The following CCDC146 variants were observed in gnomAD, a reference collection of about 807,000 sequenced individuals.
CCDC146 encodes the protein coiled-coil domain-containing protein 146.
CCDC146 carries 92 observed loss-of-function variants against 119.3 expected under a neutral mutation model. The observed-to-expected ratio is 0.77, with a 90% confidence interval of 0.65 to 0.92. The LOEUF is 0.92. Among genes scored for constraint, CCDC146 ranks in the 40% least tolerant of loss-of-function variants. The pLI, the probability that CCDC146 is intolerant of heterozygous loss-of-function variation, is 0.00. For synonymous variants in CCDC146, 372 were observed against 371.8 expected (o/e 1.00, Z -0.01); for missense variants, 1,000 against 1,103.0 (o/e 0.91, Z 1.32).
intron 9 of CCDC146, among the ~76,000 whole-genome samples, chr7:77,272,262 C>T (rs1257546266): frequency 6.6e-6 from 1 of 152,176 alleles, no homozygotes; most frequent in Admixed American, 6.5e-5. Flanking sequence ...AAGACCACAT[C>T]TCGTTTTCCT....
At chr7:77,214,212 G>A (rs774217781) in intron 2 of CCDC146, among the ~76,000 whole-genome samples, 8 of 151,964 alleles carry the variant, frequency 5.3e-5, no homozygotes, top group Non-Finnish European at 8.8e-5. Flanking sequence ...ATCTGATGAT[G>A]ACAAGCATTT....
intron 2 of CCDC146, chr7:77,198,365 G>A: frequency 3.1e-6 from 3 of 967,410 alleles, no homozygotes; most frequent in Non-Finnish European, 3.7e-6. Flanking sequence ...GTATGAGACA[G>A]TCAGCAACAG....
chr7:77,268,947 C>T (rs1309077317), intron 9 of CCDC146, among the ~76,000 whole-genome samples: 1 of 152,110 alleles, frequency 6.6e-6, no homozygotes, highest in Non-Finnish European at 1.5e-5. Context: ...AGAATTTTTA[C>T]ATTTTACAAT....
intron 1 of CCDC146, among the ~76,000 whole-genome samples, chr7:77,136,110 C>T (rs1357189113): frequency 1.3e-5 from 2 of 152,108 alleles, no homozygotes; most frequent in African/African-American, 2.4e-5. Context: ...GTGAAAACAA[C>T]GTATCAACGT....
intron 4 of CCDC146, among the ~76,000 whole-genome samples, chr7:77,247,675 G>A (rs533765327): frequency 6.6e-6 from 1 of 152,212 alleles, no homozygotes; most frequent in East Asian, 1.9e-4. Flanking sequence ...CAGACAAATG[G>A]CTAAGAATCA....
rs1196245395 is a variant in CCDC146 at position 77,260,245 on chromosome 7, T to A, written c.986+9T>A. 1 of 1,587,652 alleles carries A rather than the reference T, an allele frequency of 6.3e-7. No individual in the cohort carries two copies. Among genetic ancestry groups the A allele is most frequent in the Middle Eastern group, 1.9e-4 (1 of 5,300 alleles). ...ACTTCATTAACTGAAAGGTTAGTTA[T>A]ATTTATGTATGTTATGTTCTGTCAT... On this transcript the variant is annotated intron_variant, in intron 8 of 18. Coordinates refer to ENST00000285871, the MANE Select transcript of CCDC146 (RefSeq NM_020879.3).
intron 8 of CCDC146, among the ~76,000 whole-genome samples, chr7:77,261,563 C>T (rs1427423554): frequency 2.0e-5 from 3 of 152,164 alleles, no homozygotes; most frequent in Non-Finnish European, 2.9e-5. Flanking sequence ...CTGCAAGCTC[C>T]GCTTCCCGGG....
At chr7:77,158,694 A>G (rs1387396529) in intron 1 of CCDC146, among the ~76,000 whole-genome samples, 1 of 151,778 alleles carries the variant, frequency 6.6e-6, no homozygotes, top group African/African-American at 2.4e-5. Context: ...TAATTTTTGT[A>G]TTTTTAGTAG....
At chr7:77,159,168 T>C (rs1203488736) in intron 1 of CCDC146, among the ~76,000 whole-genome samples, 1 of 152,172 alleles carries the variant, frequency 6.6e-6, no homozygotes, top group Non-Finnish European at 1.5e-5. Context: ...TGCTGCTTTA[T>C]CATAAGATCT....
intron 3 of CCDC146, among the ~76,000 whole-genome samples, chr7:77,240,569 T>C (rs190463135): frequency 7.9e-5 from 12 of 152,376 alleles, no homozygotes; most frequent in African/African-American, 2.4e-4. Flanking sequence ...ATAAATGCTA[T>C]GTAAATGGTT....
At chr7:77,292,774 A>G (rs549506666) in intron 17 of CCDC146, among the ~76,000 whole-genome samples, 178 bp from the exon 18 acceptor site, 80 of 152,244 alleles carry the variant, frequency 5.3e-4, no homozygotes, top group African/African-American at 1.8e-3. Flanking sequence ...TTACACAGCC[A>G]GGGTGTTCGG....
chr7:77,242,433 A>AT (rs1792867721), intron 4 of CCDC146: 1 of 970,608 alleles, frequency 1.0e-6, no homozygotes, highest in Non-Finnish European at 1.2e-6. Flanking sequence ...GAGAAAAGGT[A>AT]TATCCTTTTG....
intron 2 of CCDC146, among the ~76,000 whole-genome samples, chr7:77,216,357 C>A (rs560712285): frequency 1.3e-5 from 2 of 152,052 alleles, no homozygotes; most frequent in Admixed American, 6.6e-5. Flanking sequence ...TTTCTAAATG[C>A]GCTTCACACT....
chr7:77,215,755 G>T (rs1036391960), intron 2 of CCDC146, among the ~76,000 whole-genome samples: 3 of 148,340 alleles, frequency 2.0e-5, no homozygotes, highest in African/African-American at 7.6e-5. Context: ...AACTGTTTCA[G>T]AATAACACTA....
At chr7:77,224,226 A>G (rs1199652869) in intron 2 of CCDC146, among the ~76,000 whole-genome samples, 3 of 152,208 alleles carry the variant, frequency 2.0e-5, no homozygotes, top group African/African-American at 7.2e-5. Flanking sequence ...AGGTGTAATC[A>G]TGGCTACATT....
At chr7:77,234,623 TA>T (rs1792699000) in intron 2 of CCDC146, among the ~76,000 whole-genome samples, 1 of 151,932 alleles carries the variant, frequency 6.6e-6, no homozygotes, top group Admixed American at 6.6e-5. Context: ...TAGTCCCACC[TA>T]ATTGGGAGGC....
chr7:77,173,096 G>A (rs962267208), intron 2 of CCDC146, among the ~76,000 whole-genome samples: 13 of 152,120 alleles, frequency 8.5e-5, no homozygotes, highest in African/African-American at 1.4e-4. Context: ...GGGGGTTGGG[G>A]GCCGAGGGGA....
chr7:77,183,693 T>A (rs1791623004), intron 2 of CCDC146, among the ~76,000 whole-genome samples: 1 of 152,224 alleles, frequency 6.6e-6, no homozygotes, highest in South Asian at 2.1e-4. Context: ...TAAAATGTGA[T>A]CACTTCTGCT....
chr7:77,291,745 T>C (rs1266157992), intron 17 of CCDC146, among the ~76,000 whole-genome samples: 1 of 152,098 alleles, frequency 6.6e-6, no homozygotes, highest in Non-Finnish European at 1.5e-5. Flanking sequence ...CAGGAACAGC[T>C]CTCATTCTAA....
Sources: allele counts gnomAD v4.1 joint callset (sites outside exome capture counted in the v4.1 genomes callset), GRCh38; gene constraint gnomAD v4.1.1; transcripts MANE v1.5; gene names NCBI Gene and HGNC (gene_info 2026-07-23, HGNC 2026-07-21).